EXOC4: variants seen among roughly 807,000 people sequenced by gnomAD.
The protein encoded by EXOC4 is exocyst complex component 4.
A neutral mutation model predicts 107.2 loss-of-function variants in EXOC4; 71 were observed. That is an observed-to-expected ratio of 0.66 (90% CI 0.55 to 0.81). EXOC4 has a LOEUF of 0.81. Ranked by LOEUF, EXOC4 falls within the 30% of genes least tolerant of loss-of-function variation. The pLI, the probability that EXOC4 is intolerant of heterozygous loss-of-function variation, is 0.00. For synonymous variants in EXOC4, 456 were observed against 441.2 expected (o/e 1.03, Z -0.42); for missense variants, 1,108 against 1,189.6 (o/e 0.93, Z 1.01).
chr7:133,447,981 T>C (rs1413413307), intron 7 of EXOC4, among the ~76,000 whole-genome samples: 2 of 152,208 alleles, frequency 1.3e-5, no homozygotes, highest in Non-Finnish European at 1.5e-5. Flanking sequence ...TATTTAGTAG[T>C]TGTCATGGAA....
At chr7:133,501,150 T>C (rs188565624) in intron 9 of EXOC4, among the ~76,000 whole-genome samples, 198 of 152,322 alleles carry the variant, frequency 1.3e-3, no homozygotes, top group African/African-American at 4.1e-3. Context: ...TTATTGTATA[T>C]ATCTATATTT....
At chr7:133,721,359 G>A (rs1350745566) in intron 10 of EXOC4, among the ~76,000 whole-genome samples, 2 of 151,934 alleles carry the variant, frequency 1.3e-5, no homozygotes, top group African/African-American at 2.4e-5. Flanking sequence ...AAAGAGCTAC[G>A]AATCAAAACT....
chr7:133,729,315 TA>T (rs768263427), intron 10 of EXOC4, among the ~76,000 whole-genome samples: 8 of 152,130 alleles, frequency 5.3e-5, no homozygotes, highest in Non-Finnish European at 1.0e-4. Context: ...TTAAAAATGT[TA>T]TTTTTTTGAG....
intron 5 of EXOC4, among the ~76,000 whole-genome samples, chr7:133,327,227 TG>T (rs991643401): frequency 5.1e-4 from 78 of 152,334 alleles, no homozygotes; most frequent in African/African-American, 1.8e-3. Context: ...CTGCCCCCAC[TG>T]TCCGACAAGC....
intron 10 of EXOC4, among the ~76,000 whole-genome samples, chr7:133,814,585 G>A (rs1333256248): frequency 6.6e-6 from 1 of 152,098 alleles, no homozygotes; most frequent in African/African-American, 2.4e-5. Flanking sequence ...CTGGCTTTTT[G>A]AATAATAGTG....
At chr7:133,537,556 G>A (rs189411445) in intron 9 of EXOC4, among the ~76,000 whole-genome samples, 280 of 152,160 alleles carry the variant, frequency 1.8e-3, no homozygotes, top group Non-Finnish European at 3.5e-3. Flanking sequence ...ACTCTATTTT[G>A]TTCATTTTCT....
intron 17 of EXOC4, among the ~76,000 whole-genome samples, chr7:134,041,621 T>C (rs1205194097): frequency 5.3e-5 from 8 of 152,198 alleles, no homozygotes; most frequent in Non-Finnish European, 1.0e-4. Context: ...GCACCTTATC[T>C]ATATAAATTT....
chr7:134,094,082 C>A, the EXOC4 span, among the ~76,000 whole-genome samples: 1 of 152,100 alleles, frequency 6.6e-6, no homozygotes, highest in Admixed American at 6.6e-5. Context: ...CAGAGCATAA[C>A]TGAAAAATAT....
chr7:133,706,712 A>G (rs1002353887), intron 10 of EXOC4, among the ~76,000 whole-genome samples: 1 of 152,214 alleles, frequency 6.6e-6, no homozygotes, highest in Non-Finnish European at 1.5e-5. Flanking sequence ...TGTGTTTTAT[A>G]CTTAGAGCAC....
intron 9 of EXOC4, among the ~76,000 whole-genome samples, chr7:133,590,021 A>G (rs1454018910): frequency 6.6e-6 from 1 of 152,070 alleles, no homozygotes; most frequent in African/African-American, 2.4e-5. Context: ...AGCAGAAAAG[A>G]GGGGGTTCCT....
chr7:133,561,850 C>T (rs1466662702), intron 9 of EXOC4, among the ~76,000 whole-genome samples: 3 of 152,264 alleles, frequency 2.0e-5, no homozygotes, highest in African/African-American at 7.2e-5. Flanking sequence ...AGGGCTAGTG[C>T]CCGCTTTGCG....
At chr7:133,588,546 C>T (rs958771188) in intron 9 of EXOC4, among the ~76,000 whole-genome samples, 1 of 152,066 alleles carries the variant, frequency 6.6e-6, no homozygotes, top group Non-Finnish European at 1.5e-5. Flanking sequence ...TGAAGACTTA[C>T]CACTTTTTGG....
intron 15 of EXOC4, 76 bp from the exon 16 acceptor site, chr7:134,004,836 G>A: frequency 2.5e-6 from 3 of 1,203,132 alleles, no homozygotes; most frequent in Admixed American, 4.4e-5. Context: ...AGTTATTTTG[G>A]TGCTCTGTCC....
intron 9 of EXOC4, among the ~76,000 whole-genome samples, chr7:133,544,293 CTTCA>C (rs1489137091): frequency 6.6e-6 from 1 of 151,928 alleles, no homozygotes; most frequent in Admixed American, 6.6e-5. Flanking sequence ...GGACTAATGT[CTTCA>C]TTGTTTTATC....
At chr7:133,710,386 C>T (rs1794860287) in intron 10 of EXOC4, among the ~76,000 whole-genome samples, 7 of 152,026 alleles carry the variant, frequency 4.6e-5, no homozygotes, top group Admixed American at 4.6e-4. Flanking sequence ...TGCGGCCGGG[C>T]GCGGTGGCTC....
chr7:134,021,589 C>T (rs1795029216), intron 17 of EXOC4, among the ~76,000 whole-genome samples: 1 of 152,084 alleles, frequency 6.6e-6, no homozygotes, highest in Admixed American at 6.5e-5. Flanking sequence ...TCTTAATCTC[C>T]GTGTTCTAAC....
chr7:133,934,619 C>T (rs1800256267), intron 13 of EXOC4, among the ~76,000 whole-genome samples: 1 of 152,138 alleles, frequency 6.6e-6, no homozygotes, highest in African/African-American at 2.4e-5. Context: ...TGTCGCATTC[C>T]ACCTAGGGCT....
chr7:133,970,529 A>G (rs1034355666), intron 14 of EXOC4, among the ~76,000 whole-genome samples: 2 of 152,056 alleles, frequency 1.3e-5, no homozygotes, highest in Admixed American at 6.6e-5. Flanking sequence ...TGGAAAAAGC[A>G]TAGTATCTGG....
At chr7:133,689,325 AT>A (rs1215115949) in intron 10 of EXOC4, among the ~76,000 whole-genome samples, 1 of 152,148 alleles carries the variant, frequency 6.6e-6, no homozygotes, top group Admixed American at 6.5e-5. Context: ...AGAAAAAAAA[AT>A]CAGTTAATTC....
Sources: gnomAD v4.1 joint callset for allele counts (sites outside exome capture counted in the v4.1 genomes callset) on GRCh38, gnomAD v4.1.1 for gene constraint, MANE v1.5 for transcripts, NCBI Gene and HGNC (gene_info 2026-07-23, HGNC 2026-07-21) for gene names.